ANKRD29: variants seen among roughly 807,000 people sequenced by gnomAD.
The protein encoded by ANKRD29 is ankyrin repeat domain 29.
ANKRD29 carries 32 observed loss-of-function variants against 38.0 expected under a neutral mutation model. That is an observed-to-expected ratio of 0.84 (90% CI 0.64 to 1.13). The LOEUF (loss-of-function observed/expected upper bound fraction) is 1.13, where lower values mean the gene tolerates loss of function less well. Ranked by LOEUF, ANKRD29 falls within the 50% of genes most tolerant of loss-of-function variation. The pLI is 0.00. For synonymous variants in ANKRD29, 135 were observed against 152.4 expected, an observed-to-expected ratio of 0.89 and a Z score of 0.84; for missense variants, 357 against 377.9, an observed-to-expected ratio of 0.94 and a Z score of 0.46.
chr18:23,625,034 G>C (rs1459621947), intron 6 of ANKRD29, among the ~76,000 whole-genome samples: 1 of 152,204 alleles, frequency 6.6e-6, no homozygotes, highest in African/African-American at 2.4e-5. Context: ...ACGATTTCCA[G>C]CCGTCACACT....
intron 3 of ANKRD29, among the ~76,000 whole-genome samples, chr18:23,645,436 G>A (rs533669971): frequency 3.9e-5 from 6 of 152,282 alleles, no homozygotes; most frequent in Admixed American, 1.3e-4. Context: ...TTAGCTGGGC[G>A]TGGTGGCACA....
At chr18:23,632,312 A>T (rs1006546714) in intron 5 of ANKRD29, among the ~76,000 whole-genome samples, 5 of 151,916 alleles carry the variant, frequency 3.3e-5, no homozygotes, top group African/African-American at 1.2e-4. Context: ...TTCACTGTGC[A>T]TTCCAAGTTT....
chr18:23,607,860 G>A (rs1382269917), intron 9 of ANKRD29, among the ~76,000 whole-genome samples: 1 of 152,198 alleles, frequency 6.6e-6, no homozygotes, highest in Non-Finnish European at 1.5e-5. Context: ...GCTCAGTCAA[G>A]GGTGTTGGGA....
chr18:23,634,582 G>A (rs537798126), intron 4 of ANKRD29, among the ~76,000 whole-genome samples: 5 of 152,042 alleles, frequency 3.3e-5, no homozygotes, highest in Admixed American at 2.6e-4. Context: ...GAGCTACCAT[G>A]TCCAGCCTAC....
chr18:23,652,374 A>G (rs917538804), intron 1 of ANKRD29, among the ~76,000 whole-genome samples: 7 of 152,174 alleles, frequency 4.6e-5, no homozygotes, highest in African/African-American at 1.7e-4. Context: ...CTCTTGCTTG[A>G]GGCTGCCCTT....
intron 3 of ANKRD29, among the ~76,000 whole-genome samples, chr18:23,642,369 CCCTGGTGCCTGCAGCGGAAGCCACTTG>C (rs1231006275): frequency 6.6e-6 from 1 of 152,108 alleles, no homozygotes; most frequent in Non-Finnish European, 1.5e-5. Context: ...CCACTACATT[CCCTGGTGCCTGCAGCGGAAGCCACTTG>C]CGGTACATCT....
intron 5 of ANKRD29, among the ~76,000 whole-genome samples, 163 bp downstream of exon 5, chr18:23,633,887 TA>T (rs71163625): frequency 2.1e-4 from 32 of 151,842 alleles, no homozygotes; most frequent in African/African-American, 7.2e-4. Flanking sequence ...GGTTTCTATA[TA>T]AAAAAAGCCC....
Position 23,662,864 on chromosome 18 carries a change from G to T in ANKRD29, c.-134C>A, listed in dbSNP as rs887889681. The T allele has an allele frequency of 1.2e-6, 1 of 828,940 alleles. No homozygotes were observed. Among genetic ancestry groups the T allele is most frequent in the Non-Finnish European group, 1.5e-6 (1 of 669,854 alleles). The allele number at this position is 828,940 out of a possible 1,614,324, so 51.3% of individuals were successfully genotyped here. On this transcript the variant is annotated 5_prime_UTR_variant, in exon 1 of 10. Transcript: ENST00000592179. ...CCGACGCCGCGCGCTCCCGCCGCCCGGCCCGGCAGCAGCCGCCGCACACAG... is the reference window on the plus strand; with the variant it reads ...CCGACGCCGCGCGCTCCCGCCGCCCTGCCCGGCAGCAGCCGCCGCACACAG...
At chr18:23,646,116 A>C (rs1598524471) in intron 3 of ANKRD29, 73 bp downstream of exon 3, 8 of 1,370,532 alleles carry the variant, frequency 5.8e-6, no homozygotes, top group Non-Finnish European at 8.2e-6. Context: ...TGTCCCCCAT[A>C]CCAGTTCACT....
intron 8 of ANKRD29, among the ~76,000 whole-genome samples, chr18:23,616,548 TAGTATATATATATATACACTATATATAC>T (rs1568013589): frequency 2.8e-5 from 3 of 106,806 alleles, no homozygotes; most frequent in African/African-American, 1.3e-4. Context: ...TATATATATA[TAGTATATATATATATACACTATATATAC>T]AGTATATATA....
chr18:23,635,415 C>T (rs930454576), intron 4 of ANKRD29, among the ~76,000 whole-genome samples: 2 of 151,858 alleles, frequency 1.3e-5, no homozygotes, highest in African/African-American at 4.8e-5. Context: ...TAGAGCTTTT[C>T]TACCAACCAC....
intron 3 of ANKRD29, among the ~76,000 whole-genome samples, chr18:23,641,406 G>C (rs927713731): frequency 2.0e-5 from 3 of 152,268 alleles, no homozygotes; most frequent in Non-Finnish European, 2.9e-5. Context: ...CTGCTCCAGT[G>C]CGGAGCAAAG....
chr18:23,654,191 G>A (rs1394567005), intron 1 of ANKRD29, among the ~76,000 whole-genome samples: 2 of 151,754 alleles, frequency 1.3e-5, no homozygotes, highest in South Asian at 2.1e-4. Context: ...GCTTGAATCC[G>A]GGAGGCGGAG....
intron 1 of ANKRD29, among the ~76,000 whole-genome samples, chr18:23,655,821 C>A (rs1056158494): frequency 3.5e-5 from 5 of 142,204 alleles, no homozygotes; most frequent in Non-Finnish European, 7.7e-5. Context: ...TGGCCGGGCG[C>A]GGTGGCTCAC....
At chr18:23,629,164 T>C (rs1351418930) in intron 6 of ANKRD29, among the ~76,000 whole-genome samples, 2 of 152,250 alleles carry the variant, frequency 1.3e-5, no homozygotes, top group African/African-American at 4.8e-5. Flanking sequence ...TTTGTATTTT[T>C]AGTAGAGACG....
chr18:23,657,319 G>A (rs1411813257), intron 1 of ANKRD29, among the ~76,000 whole-genome samples: 3 of 152,126 alleles, frequency 2.0e-5, no homozygotes, highest in African/African-American at 7.2e-5. Context: ...TGCCATTCTA[G>A]CTAATTCCAC....
At chr18:23,657,179 T>C (rs989081158) in intron 1 of ANKRD29, among the ~76,000 whole-genome samples, 1 of 152,260 alleles carries the variant, frequency 6.6e-6, no homozygotes, top group Non-Finnish European at 1.5e-5. Flanking sequence ...ATGGAAAACG[T>C]TGGCACCTGG....
chr18:23,605,665 T>C (rs1233398119), intron 9 of ANKRD29, among the ~76,000 whole-genome samples: 1 of 152,004 alleles, frequency 6.6e-6, no homozygotes, highest in Non-Finnish European at 1.5e-5. Flanking sequence ...TAGCTGGGAT[T>C]ACAGGCATGC....
At chr18:23,637,723 A>C (rs1399999665) in intron 4 of ANKRD29, among the ~76,000 whole-genome samples, 1 of 152,150 alleles carries the variant, frequency 6.6e-6, no homozygotes, top group African/African-American at 2.4e-5. Flanking sequence ...TTAACAGAAA[A>C]AAAATCCCAC....
Sources: gnomAD v4.1 joint callset for allele counts (sites outside exome capture counted in the v4.1 genomes callset) on GRCh38, gnomAD v4.1.1 for gene constraint, MANE v1.5 for transcripts, NCBI Gene and HGNC (gene_info 2026-07-23, HGNC 2026-07-21) for gene names.